Variants in TTL observed in about 807,000 individuals in gnomAD.
TTL encodes tubulin--tyrosine ligase.
Under a neutral mutation model 41.1 loss-of-function variants are expected in TTL, and 10 were observed. The ratio of observed to expected loss-of-function variants is 0.24; its 90% CI spans 0.15 to 0.41. TTL has a LOEUF of 0.41. Ranked by LOEUF, TTL falls within the 10% of genes least tolerant of loss-of-function variation. The probability of loss-of-function intolerance (pLI) is 1.00; values close to 1 mark genes in which losing one functional copy is unlikely to be tolerated. For synonymous variants in TTL, 175 were observed against 175.5 expected, an observed-to-expected ratio of 1.00 and a Z score of 0.02; for missense variants, 367 against 460.4, an observed-to-expected ratio of 0.80 and a Z score of 1.86.
intron 3 of TTL, among the ~76,000 whole-genome samples, chr2:112,499,263 G>A (rs902034941): frequency 6.6e-5 from 10 of 151,406 alleles, no homozygotes; most frequent in African/African-American, 1.5e-4. Context: ...GCTGTGAGCC[G>A]AGATCACACC....
rs371387625 is a variant in TTL, at chr2:112,491,453, A to T, written c.237-2690A>T. 3.9e-5 allele frequency among the ~76,000 whole-genome samples: 6 copies of T among 152,326 alleles called. No individual in the cohort carries two copies. The South Asian group carries it at 1.2e-3, about 32-fold the overall frequency. Reference sequence around the variant, plus strand: ...TTAATATTTTTCAAATTTTGAGTCAATCTTTGATATTGTTAGAAAGGTTTT... The same window carrying T: ...TTAATATTTTTCAAATTTTGAGTCATTCTTTGATATTGTTAGAAAGGTTTT... On this transcript the variant is annotated intron_variant, in intron 2 of 6. Coordinates refer to ENST00000233336, the MANE Select transcript of TTL (RefSeq NM_153712.5).
Position 112,533,615 on chromosome 2 carries a change from C to T in TTL, c.*4820C>T, listed in dbSNP as rs1682548453. On this transcript the variant is annotated 3_prime_UTR_variant, in exon 7 of 7. Transcript: ENST00000233336. ...CTTGCTGCCTCAGCATGGCAGAAGGCATCACATGGCAAGAGAGGAATGGAG... is the reference window on the plus strand; with the variant it reads ...CTTGCTGCCTCAGCATGGCAGAAGGTATCACATGGCAAGAGAGGAATGGAG... The T allele has an allele frequency of 6.6e-6, 1 of 152,198 alleles. No homozygotes were observed. The highest frequency in any genetic ancestry group is 1.5e-5 in the Non-Finnish European group (1 of 68,036). 9.4% of individuals were successfully genotyped at this position (152,198 alleles called of 1,614,324 possible).
At chr2:112,500,117 C>T (rs1424955615) in intron 3 of TTL, among the ~76,000 whole-genome samples, 1 of 152,130 alleles carries the variant, frequency 6.6e-6, no homozygotes, top group Non-Finnish European at 1.5e-5. Flanking sequence ...CAAAAGGCCA[C>T]ATACTGTGTG....
In TTL at chr2:112,538,379, T is replaced by C. The variant is rs533573543; in HGVS notation, c.*9584T>C. 4.1e-4 allele frequency: 62 copies of C among 152,246 alleles called. No homozygotes were observed. Among genetic ancestry groups the C allele is most frequent in the African/African-American group, 1.4e-3 (59 of 41,522 alleles). The allele number at this position is 152,246 out of a possible 1,614,324, so 9.4% of individuals were successfully genotyped here. ...CAAACGGAAAAAATCTTCAACAAAATACTAGTAAACCAAATCCAGCAACAT... is the reference window on the plus strand; with the variant it reads ...CAAACGGAAAAAATCTTCAACAAAACACTAGTAAACCAAATCCAGCAACAT... On this transcript the variant is annotated 3_prime_UTR_variant, in exon 7 of 7. Coordinates refer to ENST00000233336, the MANE Select transcript of TTL (RefSeq NM_153712.5).
Position 112,537,623 on chromosome 2 carries a change from A to G in TTL, c.*8828A>G, listed in dbSNP as rs924754196. 1 of 152,190 alleles carries G rather than the reference A, an allele frequency of 6.6e-6. No homozygotes were observed. The highest frequency in any genetic ancestry group is 1.5e-5 in the Non-Finnish European group (1 of 68,034). The allele number at this position is 152,190 out of a possible 1,614,324, so 9.4% of individuals were successfully genotyped here. On this transcript the variant is annotated 3_prime_UTR_variant, in exon 7 of 7. Transcript: ENST00000233336. ...ACATTGTCTCATATGTTTCTTGGCCACTTGTATGCCAAGGACATTTTATAT... is the reference window on the plus strand; with the variant it reads ...ACATTGTCTCATATGTTTCTTGGCCGCTTGTATGCCAAGGACATTTTATAT...
chr2:112,517,130 G>C (rs1306806646), intron 5 of TTL, among the ~76,000 whole-genome samples: 2 of 130,448 alleles, frequency 1.5e-5, no homozygotes, highest in African/African-American at 6.0e-5. Flanking sequence ...ATCCTTTAAA[G>C]TGTATTATTA....
rs1682624112 is a variant in TTL at position 112,537,652 on chromosome 2, TA to T, written c.*8861del. 1 of 152,302 alleles carries T rather than the reference TA, an allele frequency of 6.6e-6. No homozygotes were observed. The highest frequency in any genetic ancestry group is 2.4e-5 in the African/African-American group (1 of 41,568). 9.4% of individuals were successfully genotyped at this position (152,302 alleles called of 1,614,324 possible). On this transcript the variant is annotated 3_prime_UTR_variant, in exon 7 of 7. Transcript: ENST00000233336. The stretch of plus-strand genomic sequence containing the variant: ...GTATGCCAAGGACATTTTATATTGA[TA>T]AAAGGGTCAGTCCATTAGGAAAATA...
intron 5 of TTL, among the ~76,000 whole-genome samples, chr2:112,507,743 A>G (rs1303059891): frequency 6.6e-6 from 1 of 150,792 alleles, no homozygotes; most frequent in Non-Finnish European, 1.5e-5. Context: ...TGAATACAGC[A>G]CACTGATGGG....
intron 5 of TTL, among the ~76,000 whole-genome samples, chr2:112,517,837 C>T (rs972477103): frequency 1.3e-5 from 2 of 151,292 alleles, no homozygotes; most frequent in African/African-American, 2.4e-5. Context: ...CCAGCTACTT[C>T]GGAAGCCTGA....
rs1249709927 is a variant in TTL, at chr2:112,529,783, G to A, written c.*988G>A. The stretch of plus-strand genomic sequence containing the variant: ...CTTTCTGCAGTAGCTAGAGGGACAG[G>A]TTTCCTTCCAGGAAGGATTCGAGTT... On this transcript the variant is annotated 3_prime_UTR_variant, in exon 7 of 7. Coordinates refer to ENST00000233336, the MANE Select transcript of TTL (RefSeq NM_153712.5). 1.4e-5 allele frequency: 3 copies of A among 221,452 alleles called. No homozygotes were observed. The highest frequency in any genetic ancestry group is 6.7e-5 in the African/African-American group (3 of 44,670). The allele number at this position is 221,452 out of a possible 1,614,324, so 13.7% of individuals were successfully genotyped here.
In TTL at chr2:112,503,098, C is replaced by T. The variant is rs1574062190; in HGVS notation, c.792C>T (p.Phe264=). ...GKYEEGNEMF[F]KEFNQYLTSA... Reference sequence around the variant, plus strand: ...ATGAAGAAGGAAATGAAATGTTCTTCAAGGAGTTCAATCAGTACCTAACAA... The same window carrying T: ...ATGAAGAAGGAAATGAAATGTTCTTTAAGGAGTTCAATCAGTACCTAACAA... The change falls in exon 5 of 7, where the codon TTC becomes TTT. Residue 264 remains phenylalanine (F), a synonymous_variant. Transcript: ENST00000233336. 1 of 1,613,580 alleles carries T rather than the reference C, an allele frequency of 6.2e-7. No homozygotes were observed.
chr2:112,518,476 A>C (rs1354364457), intron 5 of TTL, among the ~76,000 whole-genome samples: 1 of 152,002 alleles, frequency 6.6e-6, no homozygotes, highest in Non-Finnish European at 1.5e-5. Flanking sequence ...TAAATGTATC[A>C]ATTAAAATAT....
chr2:112,500,252 G>T (rs1167690327), intron 3 of TTL, among the ~76,000 whole-genome samples: 3 of 151,038 alleles, frequency 2.0e-5, no homozygotes, highest in Admixed American at 1.3e-4. Context: ...AGTTTTTTTG[G>T]GGGGAGTGGT....
At chr2:112,520,182 A>T in intron 5 of TTL, 100 bp from the exon 6 acceptor site, 1 of 1,246,682 alleles carries the variant, frequency 8.0e-7, no homozygotes, top group Non-Finnish European at 1.1e-6. Flanking sequence ...ATAAGCTGAT[A>T]TTTGTATTCA....
chr2:112,511,111 G>C (rs1467758394), intron 5 of TTL, among the ~76,000 whole-genome samples: 1 of 151,978 alleles, frequency 6.6e-6, no homozygotes, highest in Non-Finnish European at 1.5e-5. Flanking sequence ...TTAACCTCCT[G>C]GGCTCAAGCG....
Position 112,538,907 on chromosome 2 carries a change from G to C in TTL, c.*10112G>C, listed in dbSNP as rs555044449. On this transcript the variant is annotated 3_prime_UTR_variant, in exon 7 of 7. Transcript: ENST00000233336. ...CCAAGGCGGGCGGATCATGAGGTCCGGAGATCAAGACCATCCTGGCTAATA... is the reference window on the plus strand; with the variant it reads ...CCAAGGCGGGCGGATCATGAGGTCCCGAGATCAAGACCATCCTGGCTAATA... 144 of 152,238 alleles carry C rather than the reference G, an allele frequency of 9.5e-4. No individual in the cohort carries two copies. Among genetic ancestry groups the C allele is most frequent in the African/African-American group, 3.2e-3 (134 of 41,484 alleles). 9.4% of individuals were successfully genotyped at this position (152,238 alleles called of 1,614,324 possible). A position where few individuals can be genotyped will look rare whatever the true frequency, so the allele number is the denominator to read the frequency against.
intron 6 of TTL, chr2:112,520,749 C>T: frequency 4.0e-6 from 1 of 247,040 alleles, no homozygotes; most frequent in Non-Finnish European, 8.1e-6. Context: ...AAAACCCCAT[C>T]TCTACAAAAA....
rs1682588039 is a variant in TTL at position 112,535,907 on chromosome 2, T to TA, written c.*7114dup. ...GCAGCCTCAAACTTCTGGTTTCAAG[T>TA]AATCTTCCCACCTTAGCCACCCAAG... is the stretch of plus-strand genomic sequence containing the variant. On this transcript the variant is annotated 3_prime_UTR_variant, in exon 7 of 7. Coordinates refer to ENST00000233336, the MANE Select transcript of TTL (RefSeq NM_153712.5). The TA allele has an allele frequency of 1.3e-5, 2 of 152,182 alleles. No homozygotes were observed. Among genetic ancestry groups the TA allele is most frequent in the South Asian group, 4.1e-4 (2 of 4,832 alleles). 9.4% of individuals were successfully genotyped at this position (152,182 alleles called of 1,614,324 possible). A position where few individuals can be genotyped will look rare whatever the true frequency, so the allele number is the denominator to read the frequency against.
chr2:112,493,587 G>A (rs1681448186), intron 2 of TTL, among the ~76,000 whole-genome samples: 1 of 152,186 alleles, frequency 6.6e-6, no homozygotes, highest in Non-Finnish European at 1.5e-5. Context: ...TTGGGGAGCA[G>A]GAGGTATATT....
Sources: gnomAD v4.1 joint callset for allele counts (sites outside exome capture counted in the v4.1 genomes callset) on GRCh38, gnomAD v4.1.1 for gene constraint, MANE v1.5 for transcripts, NCBI Gene and HGNC (gene_info 2026-07-23, HGNC 2026-07-21) for gene names.